Variants in FAP observed in about 807,000 individuals in gnomAD.
The protein encoded by FAP is prolyl endopeptidase FAP.
In FAP, 110 loss-of-function variants were observed where a neutral mutation model predicts 126.5. The ratio of observed to expected loss-of-function variants is 0.87; its 90% CI spans 0.74 to 1.02. FAP has a LOEUF of 1.02. Among genes scored for constraint, FAP ranks in the 50% least tolerant of loss-of-function variants. FAP has a pLI of 0.00. For synonymous variants in FAP, 334 were observed against 297.3 expected, an observed-to-expected ratio of 1.12 and a Z score of -1.27; for missense variants, 919 against 909.2, an observed-to-expected ratio of 1.01 and a Z score of -0.14.
At chr2:162,232,074 C>T (rs1230566682) in intron 2 of FAP, among the ~76,000 whole-genome samples, 1 of 151,300 alleles carries the variant, frequency 6.6e-6, no homozygotes, top group Non-Finnish European at 1.5e-5. Flanking sequence ...ACCACAGGGG[C>T]AAGGACAGGA....
intron 2 of FAP, among the ~76,000 whole-genome samples, chr2:162,228,236 T>C (rs186334661): frequency 6.6e-6 from 1 of 152,196 alleles, no homozygotes; most frequent in East Asian, 1.9e-4. Context: ...ATTCCCTGTG[T>C]GGTTTTTGGT....
intron 11 of FAP, among the ~76,000 whole-genome samples, chr2:162,211,015 C>G (rs1688910939): frequency 6.6e-6 from 1 of 152,182 alleles, no homozygotes; most frequent in African/African-American, 2.4e-5. Context: ...AGACCATTTC[C>G]TCTTTTTGCT....
At chr2:162,196,232 C>T (rs1688248090) in intron 16 of FAP, among the ~76,000 whole-genome samples, 1 of 152,134 alleles carries the variant, frequency 6.6e-6, no homozygotes, top group African/African-American at 2.4e-5. Flanking sequence ...TGCCTGAATC[C>T]TAGTCTAATT....
At chr2:162,195,863 C>A (rs182548818) in intron 16 of FAP, among the ~76,000 whole-genome samples, 2 of 151,914 alleles carry the variant, frequency 1.3e-5, no homozygotes, top group African/African-American at 4.8e-5. Flanking sequence ...GCCACCCCAC[C>A]CCCCCCAGAT....
rs891336651 is a variant in FAP at position 162,231,897 on chromosome 2, T to G, written c.92-5276A>C. Among the ~76,000 whole-genome samples, 24 of 152,324 alleles carry G rather than the reference T, an allele frequency of 1.6e-4. No individual in the cohort carries two copies. The Middle Eastern group carries it at 0.017, about 109-fold the overall frequency. On this transcript the variant is annotated intron_variant, in intron 2 of 25. Transcript: ENST00000188790. ...GGCTGGCAGGTCCTTTTGTTCTCAC[T>G]TTTGCACTTGATTTGTAATTGATGC...
chr2:162,198,208 G>T (rs1204541139), intron 16 of FAP: 3 of 1,289,336 alleles, frequency 2.3e-6, no homozygotes, highest in South Asian at 2.5e-5. Context: ...AAGGACAAAG[G>T]TTCATCTTCT....
chr2:162,226,383 C>A (rs1689646812), intron 3 of FAP, 140 bp downstream of exon 3: 3 of 483,782 alleles, frequency 6.2e-6, no homozygotes, highest in African/African-American at 6.1e-5. Flanking sequence ...CTTTTTTGAG[C>A]ACTTGAATCA....
At chr2:162,235,154 C>G (rs1160179363) in intron 2 of FAP, among the ~76,000 whole-genome samples, 1 of 151,192 alleles carries the variant, frequency 6.6e-6, no homozygotes, top group Non-Finnish European at 1.5e-5. Context: ...TCCCCCGTCA[C>G]CCCCTCCGCA....
At chr2:162,219,315 T>C (rs1249208457) in intron 7 of FAP, 132 bp from the exon 8 acceptor site, 4 of 794,538 alleles carry the variant, frequency 5.0e-6, no homozygotes, top group Non-Finnish European at 7.6e-6. Context: ...TAAAATACCA[T>C]TTTAATAGGT....
intron 16 of FAP, among the ~76,000 whole-genome samples, chr2:162,196,660 C>T (rs190529582): frequency 3.6e-4 from 54 of 151,960 alleles, no homozygotes; most frequent in African/African-American, 1.2e-3. Flanking sequence ...TCAGCATCAT[C>T]GATATAATTT....
At chr2:162,195,095 T>C (rs1271924804) in intron 16 of FAP, 2 of 283,902 alleles carry the variant, frequency 7.0e-6, no homozygotes, top group Non-Finnish European at 1.4e-5. Context: ...CAGTTTTGGC[T>C]GTGTCTTTAT....
At chr2:162,171,557 T>C (rs1467521982) in intron 25 of FAP, 3 of 158,404 alleles carry the variant, frequency 1.9e-5, no homozygotes, top group African/African-American at 7.2e-5. Flanking sequence ...TATATAGCCA[T>C]AAACACCCTT....
intron 2 of FAP, among the ~76,000 whole-genome samples, chr2:162,235,132 C>G (rs1490233798): frequency 6.6e-6 from 1 of 152,030 alleles, no homozygotes; most frequent in African/African-American, 2.4e-5. Context: ...CCCACTCCCC[C>G]CACTCCCCCA....
At chr2:162,239,810 T>C (rs927932055) in intron 2 of FAP, among the ~76,000 whole-genome samples, 3 of 152,364 alleles carry the variant, frequency 2.0e-5, no homozygotes, top group South Asian at 4.1e-4. Context: ...ATAGTTCCTA[T>C]GATTTCTTTC....
chr2:162,198,591 T>C (rs1688357485), intron 16 of FAP, 166 bp downstream of exon 16: 1 of 945,652 alleles, frequency 1.1e-6, no homozygotes, highest in Non-Finnish European at 1.5e-6. Context: ...GTAAAGATAA[T>C]AATACCTTCC....
intron 2 of FAP, among the ~76,000 whole-genome samples, chr2:162,236,599 AT>A (rs771804818): frequency 6.8e-6 from 1 of 146,768 alleles, no homozygotes; most frequent in African/African-American, 2.7e-5. Context: ...TTGTTATCTG[AT>A]TTTGTTTTGT....
At chr2:162,241,661 A>C (rs1333890228) in intron 2 of FAP, among the ~76,000 whole-genome samples, 1 of 152,182 alleles carries the variant, frequency 6.6e-6, no homozygotes, top group African/African-American at 2.4e-5. Context: ...CCACTACCTG[A>C]CAATTGCTGG....
intron 22 of FAP, among the ~76,000 whole-genome samples, chr2:162,174,613 G>A (rs192182111): frequency 8.9e-4 from 136 of 152,214 alleles, no homozygotes; most frequent in African/African-American, 3.1e-3. Context: ...GATTTGGTTC[G>A]GCAGGGGCTC....
chr2:162,238,231 T>A (rs1200558108), intron 2 of FAP, among the ~76,000 whole-genome samples: 1 of 152,056 alleles, frequency 6.6e-6, no homozygotes, highest in Non-Finnish European at 1.5e-5. Context: ...TATTGCTATA[T>A]TTTATGGCTC....
Sources: gnomAD v4.1 joint callset for allele counts (sites outside exome capture counted in the v4.1 genomes callset) on GRCh38, gnomAD v4.1.1 for gene constraint, MANE v1.5 for transcripts, NCBI Gene and HGNC (gene_info 2026-07-23, HGNC 2026-07-21) for gene names.